The following NCAM1 variants were observed in gnomAD, a reference collection of about 807,000 sequenced individuals.
NCAM1 encodes antigen recognized by monoclonal antibody 5.1H11.
NCAM1 carries 14 observed loss-of-function variants against 109.8 expected under a neutral mutation model. That is an observed-to-expected ratio of 0.13 (90% CI 0.08 to 0.20). The LOEUF (loss-of-function observed/expected upper bound fraction) is 0.20, where lower values mean the gene tolerates loss of function less well. Among genes scored for constraint, NCAM1 ranks in the 10% least tolerant of loss-of-function variants. The pLI, the probability that NCAM1 is intolerant of heterozygous loss-of-function variation, is 1.00. For missense variants in NCAM1, 774 were observed against 1,109.9 expected, an observed-to-expected ratio of 0.70 and a Z score of 4.30; for synonymous variants, 418 against 442.9, an observed-to-expected ratio of 0.94 and a Z score of 0.70.
chr11:113,137,753 G>T, intron 1 of NCAM1, among the ~76,000 whole-genome samples: 1 of 152,194 alleles, frequency 6.6e-6, no homozygotes, highest in East Asian at 1.9e-4. Context: ...TTGAGCTGAA[G>T]TGTTCTTCAG....
At chr11:113,005,443 C>T (rs553030998) in intron 1 of NCAM1, among the ~76,000 whole-genome samples, 2 of 152,280 alleles carry the variant, frequency 1.3e-5, no homozygotes, top group Non-Finnish European at 2.9e-5. Flanking sequence ...ATCTTCCAGT[C>T]TTCTGCCTGG....
At chr11:113,099,322 G>A (rs1457850120) in intron 1 of NCAM1, among the ~76,000 whole-genome samples, 4 of 152,024 alleles carry the variant, frequency 2.6e-5, no homozygotes, top group African/African-American at 9.7e-5. Flanking sequence ...TGAGGAGATG[G>A]GAGGGGAGTT....
At chr11:113,026,760 C>A (rs1555077402) in intron 1 of NCAM1, among the ~76,000 whole-genome samples, 1 of 152,146 alleles carries the variant, frequency 6.6e-6, no homozygotes, top group Non-Finnish European at 1.5e-5. Flanking sequence ...TGATAGCTGT[C>A]ATTTATTAAG....
At position 113,111,395 on chromosome 11, in the gene NCAM1, G is replaced by GA. The variant is rs200290784; in HGVS notation, c.53-90975dup. On this transcript the variant is annotated intron_variant, in intron 1 of 19. Coordinates refer to ENST00000316851, the MANE Select transcript of NCAM1 (RefSeq NM_181351.5). Reference sequence around the variant, plus strand: ...TCATGATCTATAATCCCTATTCTAGGAAAAAAAAAGTGCTAATCAAAAGAA... The same window carrying GA: ...TCATGATCTATAATCCCTATTCTAGGAAAAAAAAAAGTGCTAATCAAAAGAA... Among the ~76,000 whole-genome samples, 131 of 150,872 alleles carry GA rather than the reference G, an allele frequency of 8.7e-4. 1 individual carries two copies. Among genetic ancestry groups the GA allele is most frequent in the Non-Finnish European group, 1.6e-3 (107 of 67,662 alleles).
At chr11:113,040,769 T>G (rs1442731476) in intron 1 of NCAM1, among the ~76,000 whole-genome samples, 1 of 152,186 alleles carries the variant, frequency 6.6e-6, no homozygotes, top group African/African-American at 2.4e-5. Context: ...TAAGTGTTGT[T>G]TGTTGGTTGG....
At chr11:113,136,983 C>T (rs1339716306) in intron 1 of NCAM1, among the ~76,000 whole-genome samples, 5 of 152,142 alleles carry the variant, frequency 3.3e-5, no homozygotes, top group Non-Finnish European at 7.3e-5. Context: ...CTTGCCTCTT[C>T]TGAGGAAGGT....
At chr11:113,201,548 T>C (rs1944061884) in intron 1 of NCAM1, among the ~76,000 whole-genome samples, 1 of 152,224 alleles carries the variant, frequency 6.6e-6, no homozygotes, top group African/African-American at 2.4e-5. Context: ...TGAGGAATGG[T>C]TGTCTGCTCC....
intron 1 of NCAM1, among the ~76,000 whole-genome samples, chr11:113,070,209 C>G (rs1172166538): frequency 2.0e-5 from 3 of 152,004 alleles, no homozygotes; most frequent in African/African-American, 7.3e-5. Context: ...CGTGATTATG[C>G]TTGATGGAAC....
chr11:113,108,781 GTT>G (rs200125250), intron 1 of NCAM1, among the ~76,000 whole-genome samples: 1 of 139,486 alleles, frequency 7.2e-6, no homozygotes. Context: ...GTTTTTTTTT[GTT>G]TTTTTTTTTT....
intron 14 of NCAM1, among the ~76,000 whole-genome samples, chr11:113,244,064 G>GT (rs573335691): frequency 2.3e-4 from 35 of 150,982 alleles, no homozygotes; most frequent in Non-Finnish European, 4.3e-4. Flanking sequence ...ATTATGAGGG[G>GT]TTTTTTTTTA....
chr11:113,002,305 A>C (rs1951775448), intron 1 of NCAM1, among the ~76,000 whole-genome samples: 1 of 152,238 alleles, frequency 6.6e-6, no homozygotes, highest in Non-Finnish European at 1.5e-5. Flanking sequence ...TGTTCTAGGG[A>C]AACTTCAGAG....
At chr11:113,071,878 C>T (rs1188372239) in intron 1 of NCAM1, among the ~76,000 whole-genome samples, 1 of 152,160 alleles carries the variant, frequency 6.6e-6, no homozygotes, top group Non-Finnish European at 1.5e-5. Flanking sequence ...GACACCGTGG[C>T]TCACACCTGT....
chr11:113,071,406 G>A (rs1938253354), intron 1 of NCAM1, among the ~76,000 whole-genome samples: 1 of 149,522 alleles, frequency 6.7e-6, no homozygotes, highest in Admixed American at 6.7e-5. Context: ...TTTGGAATTT[G>A]CCATTGTTGG....
At chr11:113,185,715 G>A (rs1015136224) in intron 1 of NCAM1, among the ~76,000 whole-genome samples, 3 of 152,150 alleles carry the variant, frequency 2.0e-5, no homozygotes, top group African/African-American at 7.2e-5. Context: ...TTCCAGGAAG[G>A]GGCTTGAAGA....
intron 1 of NCAM1, among the ~76,000 whole-genome samples, chr11:113,070,686 A>G (rs1938220821): frequency 2.0e-5 from 3 of 152,212 alleles, no homozygotes; most frequent in African/African-American, 7.2e-5. Flanking sequence ...AGGAATACGA[A>G]TAAATTTGGA....
At chr11:113,180,781 G>A (rs1175950985) in intron 1 of NCAM1, among the ~76,000 whole-genome samples, 1 of 152,220 alleles carries the variant, frequency 6.6e-6, no homozygotes, top group African/African-American at 2.4e-5. Context: ...CTCCCCAGCT[G>A]CTAGCTGTGT....
chr11:113,085,036 T>C (rs112921534), intron 1 of NCAM1, among the ~76,000 whole-genome samples: 417 of 152,358 alleles, frequency 2.7e-3, no homozygotes, highest in Non-Finnish European at 4.4e-3. Context: ...ATGCATGCTA[T>C]ATGAATGTAA....
chr11:113,100,311 T>C (rs1555091274), intron 1 of NCAM1, among the ~76,000 whole-genome samples: 1 of 152,240 alleles, frequency 6.6e-6, no homozygotes, highest in Non-Finnish European at 1.5e-5. Flanking sequence ...TTTTGGGCTC[T>C]GGCCCCACAG....
At chr11:112,995,741 C>G (rs1304273715) in intron 1 of NCAM1, among the ~76,000 whole-genome samples, 2 of 152,128 alleles carry the variant, frequency 1.3e-5, no homozygotes, top group Non-Finnish European at 2.9e-5. Flanking sequence ...ATGCAATTGG[C>G]TAGCTTTAGG....
Sources: gnomAD v4.1 joint callset for allele counts (sites outside exome capture counted in the v4.1 genomes callset) on GRCh38, gnomAD v4.1.1 for gene constraint, MANE v1.5 for transcripts, NCBI Gene and HGNC (gene_info 2026-07-23, HGNC 2026-07-21) for gene names.